Variants in SLC25A42 observed in about 807,000 individuals in gnomAD.
The protein encoded by SLC25A42 is mitochondrial coenzyme A transporter SLC25A42.
A neutral mutation model predicts 34.7 loss-of-function variants in SLC25A42; 19 were observed. The observed-to-expected ratio is 0.55, with a 90% CI of 0.38 to 0.80. The LOEUF (loss-of-function observed/expected upper bound fraction) is 0.80. Ranked by LOEUF, SLC25A42 falls within the 30% of genes least tolerant of loss-of-function variation. The pLI is 0.00. For synonymous variants in SLC25A42, 205 were observed against 191.2 expected (o/e 1.07, Z -0.59); for missense variants, 364 against 441.3 (o/e 0.82, Z 1.57).
chr19:19,094,428 G>A (rs966702692), intron 1 of SLC25A42, among the ~76,000 whole-genome samples: 3 of 151,890 alleles, frequency 2.0e-5, no homozygotes, highest in Non-Finnish European at 2.9e-5. Context: ...GGGTTCTTTC[G>A]GTGGGTGCCC....
chr19:19,087,775 T>C (rs556991157), intron 1 of SLC25A42, among the ~76,000 whole-genome samples: 1 of 152,208 alleles, frequency 6.6e-6, no homozygotes, highest in Admixed American at 6.5e-5. Flanking sequence ...AGGCTGCTTA[T>C]TCAGAGTTTG....
At chr19:19,084,930 CA>C (rs796897868) in intron 1 of SLC25A42, among the ~76,000 whole-genome samples, 12,296 of 93,978 alleles carry the variant, frequency 0.13, 689 homozygotes, top group African/African-American at 0.24. Flanking sequence ...GACCCCATCT[CA>C]AAAAAAAAAA....
At chr19:19,065,549 G>A (rs2059597281) in intron 1 of SLC25A42, among the ~76,000 whole-genome samples, 1 of 152,084 alleles carries the variant, frequency 6.6e-6, no homozygotes, top group African/African-American at 2.4e-5. Flanking sequence ...TAAGGCTCCT[G>A]GAGCGTTTCT....
chr19:19,068,354 C>CAA (rs565352679), intron 1 of SLC25A42, among the ~76,000 whole-genome samples: 6 of 68,860 alleles, frequency 8.7e-5, no homozygotes, highest in South Asian at 4.2e-4. Flanking sequence ...GACTCTGTCT[C>CAA]AAAAAAAAAA....
In SLC25A42 at chr19:19,065,217, G is replaced by A. The variant is rs76404707; in HGVS notation, c.-35+1102G>A. 1.1e-4 allele frequency among the ~76,000 whole-genome samples: 16 copies of A among 152,282 alleles called. 1 individual carries two copies. The East Asian group carries it at 3.1e-3, about 29-fold the overall frequency. ...TGGCGGTGGAGACGCTGCCGGAGGA[G>A]GGGGGCTCATCATCTTGGGTGCCTC... On this transcript the variant is annotated intron_variant, in intron 1 of 7. Coordinates refer to ENST00000318596, the MANE Select transcript of SLC25A42 (RefSeq NM_178526.5).
chr19:19,074,723 A>ATG (rs35554466), intron 1 of SLC25A42, among the ~76,000 whole-genome samples: 6 of 150,588 alleles, frequency 4.0e-5, no homozygotes, highest in East Asian at 1.9e-4. Context: ...GCGTGCGTGT[A>ATG]TGTGTGTGTG....
intron 2 of SLC25A42, among the ~76,000 whole-genome samples, chr19:19,099,596 G>A (rs1198058061): frequency 6.6e-6 from 1 of 152,132 alleles, no homozygotes; most frequent in African/African-American, 2.4e-5. Context: ...AACTCCAGAG[G>A]TGGGGGCAAC....
chr19:19,077,187 A>AAAAT (rs1568509369), intron 1 of SLC25A42, among the ~76,000 whole-genome samples: 1 of 152,208 alleles, frequency 6.6e-6, no homozygotes, highest in Non-Finnish European at 1.5e-5. Flanking sequence ...CCCTGTGTCA[A>AAAAT]AAATAAATAA....
At chr19:19,099,952 T>C (rs2059785732) in intron 2 of SLC25A42, among the ~76,000 whole-genome samples, 1 of 151,632 alleles carries the variant, frequency 6.6e-6, no homozygotes, top group Non-Finnish European at 1.5e-5. Context: ...GGTCTCGAAC[T>C]CCTGACCTCA....
At chr19:19,088,053 C>T (rs1430677011) in intron 1 of SLC25A42, among the ~76,000 whole-genome samples, 5 of 152,142 alleles carry the variant, frequency 3.3e-5, no homozygotes, top group East Asian at 1.9e-4. Flanking sequence ...GGTTGGTTTC[C>T]GGAGCTGGTT....
intron 1 of SLC25A42, among the ~76,000 whole-genome samples, chr19:19,075,386 T>C (rs1474738508): frequency 1.3e-5 from 2 of 152,236 alleles, no homozygotes; most frequent in East Asian, 1.9e-4. Context: ...ATGGAAAGAC[T>C]GCATGAACAG....
In SLC25A42 at chr19:19,111,314, CGGGG is replaced by C. The variant is rs1256947470; in HGVS notation, c.*440_*443del. 1 of 176,932 alleles carries C rather than the reference CGGGG, an allele frequency of 5.7e-6. No individual in the cohort carries two copies. Among genetic ancestry groups the C allele is most frequent in the Non-Finnish European group, 1.2e-5 (1 of 83,286 alleles). 11.0% of individuals were successfully genotyped at this position (176,932 alleles called of 1,614,324 possible). A position where few individuals can be genotyped will look rare whatever the true frequency, so the allele number is the denominator to read the frequency against. On this transcript the variant is annotated 3_prime_UTR_variant, in exon 8 of 8. Coordinates refer to ENST00000318596, the MANE Select transcript of SLC25A42 (RefSeq NM_178526.5). ...ACGTGCCTGCCCGGCCTCCAGGGTG[CGGGG>C]GCGCCTTTCTTGCAGGCGGACCCTG...
At position 19,110,623 on chromosome 19, in the gene SLC25A42, G is replaced by C; in HGVS notation, c.704G>C (p.Cys235Ser). The C allele has an allele frequency of 1.3e-6, 2 of 1,529,050 alleles. No individual in the cohort carries two copies. Among genetic ancestry groups the C allele is most frequent in the Non-Finnish European group, 1.8e-6 (2 of 1,140,044 alleles). The allele number at this position is 1,529,050 out of a possible 1,614,324, so 94.7% of individuals were successfully genotyped here. The change falls in exon 8 of 8, where the codon TGC (cysteine) becomes TCC (serine). Residue 235 changes from cysteine (C) to serine (S), a missense_variant. By Grantham distance (112) the Cys-to-Ser change is moderately radical. Coordinates refer to ENST00000318596, the MANE Select transcript of SLC25A42 (RefSeq NM_178526.5). ...TTCGAGCGCATGATCTTCGGCGCCT[G>C]CGCTGGCCTCATCGGGCAGTCGGCC... The part of the protein sequence containing the change: ...YPFERMIFGA[C>S]AGLIGQSASY...
At chr19:19,082,366 G>A (rs754786716) in intron 1 of SLC25A42, among the ~76,000 whole-genome samples, 52 of 152,216 alleles carry the variant, frequency 3.4e-4, no homozygotes, top group Middle Eastern at 3.4e-3. Context: ...ATCTTTGTTC[G>A]TTCTGGTCCT....
chr19:19,103,644 A>G (rs2059810251), intron 3 of SLC25A42, among the ~76,000 whole-genome samples: 2 of 152,278 alleles, frequency 1.3e-5, no homozygotes, highest in East Asian at 1.9e-4. Flanking sequence ...GCCCCCTTCA[A>G]ACAGTTACCA....
At chr19:19,075,398 A>G (rs1428792715) in intron 1 of SLC25A42, among the ~76,000 whole-genome samples, 1 of 152,244 alleles carries the variant, frequency 6.6e-6, no homozygotes, top group Non-Finnish European at 1.5e-5. Context: ...CATGAACAGA[A>G]GCAGCATGGG....
At position 19,110,711 on chromosome 19, in the gene SLC25A42, C is replaced by G; in HGVS notation, c.792C>G (p.Arg264=). Residue 264 remains arginine, a synonymous_variant, in exon 8 of 8, where the codon CGC becomes CGG. Transcript: ENST00000318596. The stretch of plus-strand genomic sequence containing the variant: ...CGGCCGGCGTCACGGGCTACCCGCG[C>G]GCCTCCATCGCCCGCACGCTGCGCA... ...MQTAGVTGYP[R]ASIARTLRTI... 6.3e-7 allele frequency: 1 copy of G among 1,599,822 alleles called. No homozygotes were observed. Among genetic ancestry groups the G allele is most frequent in the Non-Finnish European group, 8.5e-7 (1 of 1,173,922 alleles).
chr19:19,098,232 A>G (rs1454901943), intron 2 of SLC25A42, among the ~76,000 whole-genome samples: 1 of 152,162 alleles, frequency 6.6e-6, no homozygotes, highest in Non-Finnish European at 1.5e-5. Context: ...ACTGGCCCCA[A>G]CACACGTCCT....
chr19:19,095,019 AC>A (rs1413696587), intron 1 of SLC25A42, among the ~76,000 whole-genome samples: 2 of 151,870 alleles, frequency 1.3e-5, no homozygotes, highest in East Asian at 3.9e-4. Flanking sequence ...ACATGGCAAA[AC>A]CCTAGCTCTA....
Sources: gnomAD v4.1 joint callset for allele counts (sites outside exome capture counted in the v4.1 genomes callset) on GRCh38, gnomAD v4.1.1 for gene constraint, MANE v1.5 for transcripts, NCBI Gene and HGNC (gene_info 2026-07-23, HGNC 2026-07-21) for gene names.